Variants in CYLD observed in about 807,000 individuals in gnomAD.
The protein encoded by CYLD is ubiquitin carboxyl-terminal hydrolase CYLD.
In CYLD, 26 loss-of-function variants were observed where a neutral mutation model predicts 104.5. The observed-to-expected ratio is 0.25, with a 90% CI of 0.18 to 0.35. The LOEUF (loss-of-function observed/expected upper bound fraction) is 0.35. Among genes scored for constraint, CYLD ranks in the 10% least tolerant of loss-of-function variants. The probability of loss-of-function intolerance (pLI) is 1.00; values close to 1 mark genes in which losing one functional copy is unlikely to be tolerated. For missense variants in CYLD, 703 were observed against 1,136.1 expected (o/e 0.62, Z 5.48); for synonymous variants, 385 against 399.9 (o/e 0.96, Z 0.45).
Position 50,747,272 on chromosome 16 carries a change from G to C in CYLD, c.-123-2304G>C, listed in dbSNP as rs190068289. Among the ~76,000 whole-genome samples the C allele has an allele frequency of 6.5e-4, 99 of 152,104 alleles. 1 individual carries two copies. The highest frequency in any genetic ancestry group is 1.0e-4 in the Non-Finnish European group (7 of 67,996). Reference sequence around the variant, plus strand: ...AACACACAAACATATTTCACTACCTGGCTTCTCAGAACTGATTCGAAGCGA... The same window carrying C: ...AACACACAAACATATTTCACTACCTCGCTTCTCAGAACTGATTCGAAGCGA... On this transcript the variant is annotated intron_variant, in intron 2 of 18. Transcript: ENST00000427738.
At chr16:50,756,773 C>T (rs769557532) in intron 5 of CYLD, among the ~76,000 whole-genome samples, 1 of 152,236 alleles carries the variant, frequency 6.6e-6, no homozygotes, top group East Asian at 1.9e-4. Context: ...ACATTCTTAA[C>T]AAACTTATAA....
chr16:50,753,935 G>T (rs749523056), intron 4 of CYLD, among the ~76,000 whole-genome samples: 11 of 152,148 alleles, frequency 7.2e-5, no homozygotes, highest in Non-Finnish European at 1.6e-4. Context: ...GCAGGTTTCT[G>T]GGTGAAATAA....
chr16:50,749,684 G>A lies in CYLD; in HGVS notation c.-15G>A. The A allele has an allele frequency of 1.2e-6, 2 of 1,612,422 alleles. No individual in the cohort carries two copies. The highest frequency in any genetic ancestry group is 1.7e-6 in the Non-Finnish European group (2 of 1,179,508). ...TTTCCCTTTTTTGAATTAGTATTTT[G>A]AAGTTAATATCACAATGAGTTCAGG... is the stretch of plus-strand genomic sequence containing the variant. On this transcript the variant is annotated 5_prime_UTR_variant, in exon 3 of 19. Transcript: ENST00000427738.
rs201143672 is a variant in CYLD at position 50,755,168 on chromosome 16, CAT to C, written c.913+747_913+748del. Among the ~76,000 whole-genome samples the C allele has an allele frequency of 1.8e-4, 6 of 33,422 alleles. 1 individual carries two copies. The highest frequency in any genetic ancestry group is 1.1e-3 in the African/African-American group (4 of 3,754). 21.9% of individuals were successfully genotyped at this position (33,422 alleles called of 152,430 possible). A position where few individuals can be genotyped will look rare whatever the true frequency, so the allele number is the denominator to read the frequency against. ...ATATGTGTGTATATACACACGTGTA[CAT>C]ATGTGTGTGTATATACACACGTGTA... is the stretch of plus-strand genomic sequence containing the variant. On this transcript the variant is annotated intron_variant, in intron 5 of 18. Transcript: ENST00000427738.
In CYLD at chr16:50,800,922, A is replaced by G. The variant is rs747878517; in HGVS notation, c.*4414A>G. 4.3e-6 allele frequency: 1 copy of G among 233,456 alleles called. No homozygotes were observed. 14.5% of individuals were successfully genotyped at this position (233,456 alleles called of 1,614,324 possible). On this transcript the variant is annotated 3_prime_UTR_variant, in exon 19 of 19. Transcript: ENST00000427738. ...GATGTTAAAATGAAAACTCACTGCA[A>G]AAGAGGAGGCAGAGGAAGAAGGAAT...
chr16:50,766,066 A>C (rs1423771906), intron 5 of CYLD, among the ~76,000 whole-genome samples: 1 of 152,258 alleles, frequency 6.6e-6, no homozygotes, highest in African/African-American at 2.4e-5. Context: ...AGTGTAGGCA[A>C]AACAGCCTTC....
In CYLD at chr16:50,787,836, C is replaced by T. The variant is rs964054055; in HGVS notation, c.2092C>T (p.Pro698Ser). 6.5e-7 allele frequency: 1 copy of T among 1,534,294 alleles called. No homozygotes were observed. The highest frequency in any genetic ancestry group is 2.3e-5 in the East Asian group (1 of 44,196). Residue 698 changes from proline to serine, a missense_variant, in exon 14 of 19, where the codon CCT (proline) becomes TCT (serine). Pro to Ser is a moderately conservative substitution (Grantham distance 74). This residue lies in a region of CYLD where 125 missense variants were observed against 325.4 expected (regional missense o/e 0.38). Coordinates refer to ENST00000427738, the MANE Select transcript of CYLD (RefSeq NM_001378743.1). ...GTTTCATCATATTTTAAGGGTAGAACCTTTGCTAAAAATAAGGTAACCTTT... is the reference window on the plus strand; with the variant it reads ...GTTTCATCATATTTTAAGGGTAGAATCTTTGCTAAAAATAAGGTAACCTTT... ...ILFHHILRVE[P>S]LLKIRSAGQK...
intron 2 of CYLD, among the ~76,000 whole-genome samples, chr16:50,744,409 C>T (rs1289974745): frequency 6.6e-6 from 1 of 152,196 alleles, no homozygotes; most frequent in Non-Finnish European, 1.5e-5. Flanking sequence ...TATCCAGAAG[C>T]TTTTGGAAAA....
chr16:50,772,377 A>G (rs980662294), intron 5 of CYLD, among the ~76,000 whole-genome samples: 1 of 152,152 alleles, frequency 6.6e-6, no homozygotes, highest in Non-Finnish European at 1.5e-5. Flanking sequence ...TTTGTTTTAT[A>G]TATTATGTCT....
At chr16:50,751,573 C>G (rs892283137) in intron 3 of CYLD, 31 bp from the exon 4 acceptor site, 1 of 1,606,146 alleles carries the variant, frequency 6.2e-7, no homozygotes, top group Non-Finnish European at 8.5e-7. Context: ...CTTTCTATAT[C>G]TATTTCTTTC....
intron 2 of CYLD, among the ~76,000 whole-genome samples, chr16:50,747,253 CAA>C (rs1012823448): frequency 6.6e-6 from 1 of 152,146 alleles, no homozygotes; most frequent in Non-Finnish European, 1.5e-5. Flanking sequence ...TTCAAACACA[CAA>C]ACATATTTCA....
At chr16:50,788,757 T>C (rs999231828) in intron 14 of CYLD, among the ~76,000 whole-genome samples, 2 of 152,224 alleles carry the variant, frequency 1.3e-5, no homozygotes, top group African/African-American at 4.8e-5. Context: ...AATTTGTCTA[T>C]GTAAAATATC....
intron 5 of CYLD, among the ~76,000 whole-genome samples, chr16:50,765,367 A>G (rs948152632): frequency 6.6e-6 from 1 of 152,208 alleles, no homozygotes; most frequent in African/African-American, 2.4e-5. Context: ...CCACACCCAT[A>G]TAAGATGACA....
chr16:50,743,034 G>C (rs1965858588), intron 2 of CYLD, among the ~76,000 whole-genome samples, 193 bp downstream of exon 2: 1 of 151,950 alleles, frequency 6.6e-6, no homozygotes, highest in African/African-American at 2.4e-5. Flanking sequence ...TTTTAGGATA[G>C]TTGTCATCTT....
At chr16:50,769,016 T>A (rs1271506316) in intron 5 of CYLD, among the ~76,000 whole-genome samples, 1 of 152,230 alleles carries the variant, frequency 6.6e-6, no homozygotes, top group Non-Finnish European at 1.5e-5. Context: ...GACATAATTA[T>A]TTTTTATTCA....
chr16:50,755,402 G>T (rs1377249720), intron 5 of CYLD, among the ~76,000 whole-genome samples: 2 of 152,134 alleles, frequency 1.3e-5, no homozygotes, highest in African/African-American at 4.8e-5. Context: ...CCTAGTAGTG[G>T]GATTGCTGGA....
chr16:50,800,293 C>T lies in CYLD; in HGVS notation c.*3785C>T, dbSNP rs566503832. The T allele has an allele frequency of 2.6e-5, 6 of 233,374 alleles. No individual in the cohort carries two copies. The highest frequency in any genetic ancestry group is 1.8e-4 in the East Asian group (3 of 16,724). The allele number at this position is 233,374 out of a possible 1,614,324, so 14.5% of individuals were successfully genotyped here. On this transcript the variant is annotated 3_prime_UTR_variant, in exon 19 of 19. Transcript: ENST00000427738. ...TGTGAGGGAATCCCCAGGGGAATCT[C>T]GTGACCAGCCAGGTGTGAAATCTGC...
intron 14 of CYLD, among the ~76,000 whole-genome samples, chr16:50,790,039 A>G (rs978274218): frequency 5.3e-5 from 8 of 152,234 alleles, no homozygotes; most frequent in Non-Finnish European, 1.2e-4. Context: ...TGGAATATGG[A>G]TTCTAACTGG....
chr16:50,742,820 A>T lies in CYLD; in HGVS notation c.-145A>T, dbSNP rs1965825737. The T allele has an allele frequency of 2.6e-6, 1 of 379,190 alleles. No homozygotes were observed. Among genetic ancestry groups the T allele is most frequent in the African/African-American group, 2.1e-5 (1 of 46,610 alleles). The allele number at this position is 379,190 out of a possible 1,614,324, so 23.5% of individuals were successfully genotyped here. On this transcript the variant is annotated 5_prime_UTR_variant, in exon 2 of 19. Transcript: ENST00000427738. ...CAGCCACCCGGAGTTCCTTAGTTGA[A>T]AGGTGCGCCCTGCTGTGACAGGTAT...
Sources: allele counts gnomAD v4.1 joint callset (sites outside exome capture counted in the v4.1 genomes callset), GRCh38; gene constraint gnomAD v4.1.1; regional missense constraint gnomAD v4.1.1; transcripts MANE v1.5; gene names NCBI Gene and HGNC (gene_info 2026-07-23, HGNC 2026-07-21).